Variants in SCHIP1 observed in about 807,000 individuals in gnomAD.
SCHIP1 encodes schwannomin-interacting protein 1.
A neutral mutation model predicts 29.7 loss-of-function variants in SCHIP1; 8 were observed. The observed-to-expected ratio is 0.27, with a 90% CI of 0.16 to 0.49. The LOEUF (loss-of-function observed/expected upper bound fraction) is 0.49, where lower values mean the gene tolerates loss of function less well. Ranked by LOEUF, SCHIP1 falls within the 20% of genes least tolerant of loss-of-function variation. The pLI is 0.99. For synonymous variants in SCHIP1, 76 were observed against 94.9 expected, an observed-to-expected ratio of 0.80 and a Z score of 1.16; for missense variants, 193 against 294.6, an observed-to-expected ratio of 0.66 and a Z score of 2.52.
At chr3:159,315,895 G>T in the SCHIP1 span, among the ~76,000 whole-genome samples, 1 of 149,734 alleles carries the variant, frequency 6.7e-6, no homozygotes. Flanking sequence ...GAAAAGAAGG[G>T]TCTTCATCAA....
At chr3:159,809,742 T>A in the SCHIP1 span, among the ~76,000 whole-genome samples, 1 of 151,936 alleles carries the variant, frequency 6.6e-6, no homozygotes, top group African/African-American at 2.4e-5. Flanking sequence ...GGCTCATGCC[T>A]GTAATCCTAG....
chr3:159,471,973 T>A, the SCHIP1 span, among the ~76,000 whole-genome samples: 1 of 152,128 alleles, frequency 6.6e-6, no homozygotes, highest in Non-Finnish European at 1.5e-5. Flanking sequence ...ATAAAAGTAT[T>A]CCCTTCTCTG....
At chr3:159,475,303 G>C in the SCHIP1 span, among the ~76,000 whole-genome samples, 1 of 152,250 alleles carries the variant, frequency 6.6e-6, no homozygotes, top group South Asian at 2.1e-4. Flanking sequence ...AAATTATGCT[G>C]AATGAAAGAA....
At chr3:159,382,136 T>G in the SCHIP1 span, among the ~76,000 whole-genome samples, 2 of 152,072 alleles carry the variant, frequency 1.3e-5, no homozygotes, top group African/African-American at 4.8e-5. Context: ...ACTTTAAGTT[T>G]TAGGGTACAT....
At chr3:159,828,462 T>C in the SCHIP1 span, among the ~76,000 whole-genome samples, 3,866 of 89,602 alleles carry the variant, frequency 0.043, 265 homozygotes, top group South Asian at 0.23. Flanking sequence ...CGTATATATA[T>C]GTATATATAC....
At chr3:159,621,623 G>A in the SCHIP1 span, among the ~76,000 whole-genome samples, 3 of 152,032 alleles carry the variant, frequency 2.0e-5, no homozygotes, top group South Asian at 6.2e-4. Context: ...GAAGCAGAAT[G>A]GGTGTGCATG....
At chr3:159,853,247 C>A (rs750154384) in intron 1 of SCHIP1, 22 of 515,510 alleles carry the variant, frequency 4.3e-5, no homozygotes, top group Non-Finnish European at 6.6e-5. Flanking sequence ...AGAACACACA[C>A]GGCCGGGCAC....
the SCHIP1 span, among the ~76,000 whole-genome samples, chr3:159,623,491 T>C: frequency 2.0e-5 from 3 of 152,140 alleles, no homozygotes; most frequent in Non-Finnish European, 4.4e-5. Context: ...CCGGGCATGG[T>C]GGCGCATGCC....
the SCHIP1 span, among the ~76,000 whole-genome samples, chr3:159,807,528 T>C: frequency 6.6e-6 from 1 of 152,228 alleles, no homozygotes; most frequent in Non-Finnish European, 1.5e-5. Flanking sequence ...TTTAGAATTT[T>C]GTTCTCCATG....
At chr3:159,728,061 C>A in the SCHIP1 span, among the ~76,000 whole-genome samples, 1 of 150,402 alleles carries the variant, frequency 6.6e-6, no homozygotes, top group South Asian at 2.1e-4. Flanking sequence ...TAAATCTGGA[C>A]CCATTGTTAG....
At chr3:159,344,339 T>C in the SCHIP1 span, among the ~76,000 whole-genome samples, 1 of 137,318 alleles carries the variant, frequency 7.3e-6, no homozygotes, top group African/African-American at 2.6e-5. Context: ...AAAAAAAAAA[T>C]TAAGTTGTAT....
At chr3:159,617,382 T>C in the SCHIP1 span, among the ~76,000 whole-genome samples, 1 of 152,198 alleles carries the variant, frequency 6.6e-6, no homozygotes, top group Non-Finnish European at 1.5e-5. Context: ...TTTCTGAAGT[T>C]TCCTTATCTG....
chr3:159,890,169 A>C (rs1256911502), intron 5 of SCHIP1, among the ~76,000 whole-genome samples: 2 of 152,182 alleles, frequency 1.3e-5, no homozygotes, highest in African/African-American at 2.4e-5. Context: ...TTACAGATAA[A>C]ATAATGTGAT....
chr3:159,318,557 CA>C, the SCHIP1 span, among the ~76,000 whole-genome samples: 1 of 152,182 alleles, frequency 6.6e-6, no homozygotes, highest in Non-Finnish European at 1.5e-5. Flanking sequence ...GTGGTGCCTG[CA>C]TATCGTGCAG....
chr3:159,478,478 C>T, the SCHIP1 span, among the ~76,000 whole-genome samples: 1 of 152,106 alleles, frequency 6.6e-6, no homozygotes, highest in African/African-American at 2.4e-5. Flanking sequence ...GTTTTGATTA[C>T]AATTGCTCTA....
chr3:159,382,350 A>C, the SCHIP1 span, among the ~76,000 whole-genome samples: 12 of 150,694 alleles, frequency 8.0e-5, no homozygotes, highest in Admixed American at 8.0e-4. Flanking sequence ...GAGTGAGAAT[A>C]TGCGGTGTTT....
the SCHIP1 span, among the ~76,000 whole-genome samples, chr3:159,704,328 G>T: frequency 6.6e-6 from 1 of 150,994 alleles, no homozygotes; most frequent in South Asian, 2.1e-4. Context: ...CCAGCTACTC[G>T]GGAGGCTGAG....
the SCHIP1 span, among the ~76,000 whole-genome samples, chr3:159,692,875 C>A: frequency 6.6e-6 from 1 of 151,978 alleles, no homozygotes; most frequent in Non-Finnish European, 1.5e-5. Context: ...ACGAAATCAT[C>A]CTGGGACAAA....
chr3:159,740,771 G>GAAAAAAAAAAA, the SCHIP1 span, among the ~76,000 whole-genome samples: 19 of 104,910 alleles, frequency 1.8e-4, 1 homozygote, highest in Admixed American at 2.3e-4. Context: ...CAAAAAAAAA[G>GAAAAAAAAAAA]AAAAAAAAAA....
Sources: allele counts gnomAD v4.1 joint callset (sites outside exome capture counted in the v4.1 genomes callset), GRCh38; gene constraint gnomAD v4.1.1; transcripts MANE v1.5; gene names NCBI Gene and HGNC (gene_info 2026-07-23, HGNC 2026-07-21).